Variants in CNTN5 observed in about 807,000 individuals in gnomAD.
CNTN5 encodes contactin-5.
A neutral mutation model predicts 129.1 loss-of-function variants in CNTN5; 77 were observed. The ratio of observed to expected loss-of-function variants is 0.60; its 90% CI spans 0.50 to 0.72. The LOEUF (loss-of-function observed/expected upper bound fraction) is 0.72, where lower values mean the gene tolerates loss of function less well. Among genes scored for constraint, CNTN5 ranks in the 30% least tolerant of loss-of-function variants. CNTN5 has a pLI of 0.00. For synonymous variants in CNTN5, 509 were observed against 465.6 expected (o/e 1.09, Z -1.20); for missense variants, 1,478 against 1,328.8 (o/e 1.11, Z -1.75).
chr11:99,810,487 T>A (rs1052314395), intron 3 of CNTN5, among the ~76,000 whole-genome samples: 1 of 152,174 alleles, frequency 6.6e-6, no homozygotes, highest in African/African-American at 2.4e-5. Flanking sequence ...ATATGCTTTT[T>A]GCTCTTGAAG....
At chr11:99,835,130 T>C (rs1230403758) in intron 4 of CNTN5, among the ~76,000 whole-genome samples, 3 of 152,224 alleles carry the variant, frequency 2.0e-5, no homozygotes, top group African/African-American at 7.2e-5. Flanking sequence ...TTGCTGTACG[T>C]GGTTGCCCTG....
At chr11:99,576,829 C>G (rs1449093165) in intron 3 of CNTN5, among the ~76,000 whole-genome samples, 1 of 152,082 alleles carries the variant, frequency 6.6e-6, no homozygotes, top group Non-Finnish European at 1.5e-5. Flanking sequence ...GGGTACTAAT[C>G]CTATTCTTAA....
intron 1 of CNTN5, among the ~76,000 whole-genome samples, chr11:99,170,821 T>C (rs2135539420): frequency 1.3e-5 from 2 of 152,338 alleles, no homozygotes; most frequent in East Asian, 3.9e-4. Context: ...TTCAATTCCT[T>C]ATAATCCTGT....
chr11:100,204,481 GAA>G (rs1948874173), intron 15 of CNTN5, among the ~76,000 whole-genome samples: 2 of 149,260 alleles, frequency 1.3e-5, no homozygotes, highest in Non-Finnish European at 3.0e-5. Flanking sequence ...CACATGAAAA[GAA>G]AGAGAGAAGA....
At chr11:99,733,912 C>G (rs1943616138) in intron 3 of CNTN5, among the ~76,000 whole-genome samples, 1 of 152,126 alleles carries the variant, frequency 6.6e-6, no homozygotes, top group Non-Finnish European at 1.5e-5. Flanking sequence ...GCCAGTTCAC[C>G]CAGGAGAAGG....
At chr11:99,635,109 T>C (rs1034831446) in intron 3 of CNTN5, among the ~76,000 whole-genome samples, 1 of 152,224 alleles carries the variant, frequency 6.6e-6, no homozygotes, top group South Asian at 2.1e-4. Context: ...AAGAGAAGTC[T>C]TTTACTTTTC....
chr11:99,495,011 A>G (rs950518607), intron 2 of CNTN5, among the ~76,000 whole-genome samples: 1 of 152,224 alleles, frequency 6.6e-6, no homozygotes, highest in African/African-American at 2.4e-5. Flanking sequence ...AAAACACTAA[A>G]AAGTGTTGAT....
chr11:99,530,837 A>G (rs11532028), intron 2 of CNTN5, among the ~76,000 whole-genome samples: 38,940 of 152,106 alleles, frequency 0.26, 5,371 homozygotes, highest in Non-Finnish European at 0.31. Flanking sequence ...CTCTGCCATG[A>G]TTATGAGTCT....
chr11:99,051,075 A>T (rs1020606077), intron 1 of CNTN5, among the ~76,000 whole-genome samples: 3 of 151,922 alleles, frequency 2.0e-5, no homozygotes, highest in Non-Finnish European at 4.4e-5. Flanking sequence ...TGGCCAAATT[A>T]CTTATAGGAA....
At chr11:99,625,815 A>G (rs1951105934) in intron 3 of CNTN5, among the ~76,000 whole-genome samples, 1 of 151,930 alleles carries the variant, frequency 6.6e-6, no homozygotes, top group Non-Finnish European at 1.5e-5. Context: ...TACTTTTTAG[A>G]TATTTCACGA....
chr11:99,416,710 G>A (rs1286076804), intron 2 of CNTN5, among the ~76,000 whole-genome samples: 2 of 152,104 alleles, frequency 1.3e-5, no homozygotes, highest in South Asian at 2.1e-4. Context: ...AGGTAGCAAC[G>A]GGCATCATAA....
At chr11:99,453,630 T>G (rs967976818) in intron 2 of CNTN5, among the ~76,000 whole-genome samples, 1 of 152,198 alleles carries the variant, frequency 6.6e-6, no homozygotes, top group African/African-American at 2.4e-5. Context: ...ACTAAAGATC[T>G]TCAAATGAAG....
At chr11:99,415,435 A>G (rs1477435110) in intron 2 of CNTN5, among the ~76,000 whole-genome samples, 1 of 152,276 alleles carries the variant, frequency 6.6e-6, no homozygotes, top group East Asian at 1.9e-4. Context: ...CCTTCTGGGT[A>G]TGGGGCAGGG....
In CNTN5 at chr11:99,972,730, G is replaced by T. The variant is rs554537967; in HGVS notation, c.877+15721G>T. Reference sequence around the variant, plus strand: ...CCAGGGTTTTCAAATGCACCATCTGGACATACCTAGAGAGGGCCATCTTGT... The same window carrying T: ...CCAGGGTTTTCAAATGCACCATCTGTACATACCTAGAGAGGGCCATCTTGT... On this transcript the variant is annotated intron_variant, in intron 8 of 24. Coordinates refer to ENST00000524871, the MANE Select transcript of CNTN5 (RefSeq NM_014361.4). Among the ~76,000 whole-genome samples, 14 of 152,242 alleles carry T rather than the reference G, an allele frequency of 9.2e-5. No homozygotes were observed. The South Asian group carries it at 2.9e-3, about 32-fold the overall frequency.
Position 99,124,821 on chromosome 11 carries a change from A to C in CNTN5, c.-210+103551A>C, listed in dbSNP as rs1211405629. On this transcript the variant is annotated intron_variant, in intron 1 of 24. Coordinates refer to ENST00000524871, the MANE Select transcript of CNTN5 (RefSeq NM_014361.4). ...CCAAATAAATACAAAAATTTCTCAG[A>C]GACTACTATAAACAAGTTTTTGAAC... Among the ~76,000 whole-genome samples, 3 of 152,082 alleles carry C rather than the reference A, an allele frequency of 2.0e-5. No individual in the cohort carries two copies. In the South Asian group the frequency reaches 6.2e-4, roughly 32 times the overall value.
intron 6 of CNTN5, among the ~76,000 whole-genome samples, chr11:99,867,567 T>C (rs1285873832): frequency 1.7e-4 from 26 of 152,186 alleles, no homozygotes; most frequent in Non-Finnish European, 3.8e-4. Flanking sequence ...TCTTAGCTTC[T>C]GATCTTTTTC....
intron 15 of CNTN5, among the ~76,000 whole-genome samples, chr11:100,196,328 T>C (rs570457617): frequency 1.1e-5 from 1 of 90,342 alleles, no homozygotes; most frequent in East Asian, 1.0e-3. Flanking sequence ...GATAACAATA[T>C]TTTGTATTAT....
chr11:99,813,206 A>G (rs1364443146), intron 3 of CNTN5, among the ~76,000 whole-genome samples: 1 of 152,166 alleles, frequency 6.6e-6, no homozygotes, highest in Admixed American at 6.6e-5. Flanking sequence ...AGGTTGCTGA[A>G]AGAATGCGAG....
intron 6 of CNTN5, among the ~76,000 whole-genome samples, chr11:99,899,420 G>A (rs913656935): frequency 6.6e-6 from 1 of 151,786 alleles, no homozygotes; most frequent in Non-Finnish European, 1.5e-5. Flanking sequence ...TTTGTTGAGG[G>A]TATTTATTAT....
Sources: gnomAD v4.1 joint callset for allele counts (sites outside exome capture counted in the v4.1 genomes callset) on GRCh38, gnomAD v4.1.1 for gene constraint, MANE v1.5 for transcripts, NCBI Gene and HGNC (gene_info 2026-07-23, HGNC 2026-07-21) for gene names.